FNDC3A: variants seen among roughly 807,000 people sequenced by gnomAD.
FNDC3A encodes fibronectin type III domain containing 3A, also known as fibronectin type-III domain-containing protein 3A.
FNDC3A carries 32 observed loss-of-function variants against 148.9 expected under a neutral mutation model. That is an observed-to-expected ratio of 0.21 (90% CI 0.16 to 0.29). The LOEUF is 0.29. FNDC3A is among the 10% of genes least tolerant of loss of function. The pLI is 1.00. For missense variants in FNDC3A, 1,191 were observed against 1,452.8 expected (o/e 0.82, Z 2.93); for synonymous variants, 472 against 473.6 (o/e 1.00, Z 0.04).
chr13:49,143,702 G>A (rs577385463), intron 7 of FNDC3A, among the ~76,000 whole-genome samples: 1 of 152,066 alleles, frequency 6.6e-6, no homozygotes, highest in East Asian at 1.9e-4. Flanking sequence ...ATTTCACTCA[G>A]CCACTCATTT....
At chr13:49,104,410 G>A (rs1042330015) in intron 3 of FNDC3A, among the ~76,000 whole-genome samples, 1 of 152,162 alleles carries the variant, frequency 6.6e-6, no homozygotes, top group Non-Finnish European at 1.5e-5. Flanking sequence ...TGTAGTCCCA[G>A]CTACTCGGGA....
chr13:49,077,949 T>G (rs1439660143), intron 3 of FNDC3A, among the ~76,000 whole-genome samples: 1 of 152,236 alleles, frequency 6.6e-6, no homozygotes, highest in African/African-American at 2.4e-5. Context: ...TACTTGCCAG[T>G]TAAGTTTTTA....
At chr13:49,012,908 C>G (rs1952385361) in intron 2 of FNDC3A, among the ~76,000 whole-genome samples, 1 of 150,460 alleles carries the variant, frequency 6.6e-6, no homozygotes, top group South Asian at 2.1e-4. Flanking sequence ...TATCCAGCAA[C>G]CTTGCTATAC....
chr13:49,148,151 C>A (rs1452804547), intron 8 of FNDC3A, among the ~76,000 whole-genome samples: 1 of 152,076 alleles, frequency 6.6e-6, no homozygotes, highest in African/African-American at 2.4e-5. Flanking sequence ...TGCAAATACT[C>A]TCTCCCTTTC....
intron 7 of FNDC3A, 95 bp downstream of exon 7, chr13:49,138,900 A>C (rs560408547): frequency 3.4e-4 from 222 of 649,072 alleles, no homozygotes; most frequent in Non-Finnish European, 4.4e-4. Context: ...TTAACTTTTT[A>C]TGAAAATAGG....
chr13:49,069,135 GTAT>G (rs1877475193), intron 2 of FNDC3A, among the ~76,000 whole-genome samples: 1 of 152,060 alleles, frequency 6.6e-6, no homozygotes, highest in Non-Finnish European at 1.5e-5. Flanking sequence ...TTAAGTGTAG[GTAT>G]TATTAAGAAG....
chr13:49,110,296 C>T, intron 3 of FNDC3A: 1 of 1,520,314 alleles, frequency 6.6e-7, no homozygotes, highest in Non-Finnish European at 8.9e-7. Flanking sequence ...CTCTTACAGC[C>T]TTGCAAAAAA....
At chr13:49,100,279 C>T (rs1161483934) in intron 3 of FNDC3A, among the ~76,000 whole-genome samples, 1 of 151,864 alleles carries the variant, frequency 6.6e-6, no homozygotes, top group Non-Finnish European at 1.5e-5. Flanking sequence ...AGAAACATAC[C>T]AAATGATGTA....
chr13:49,156,466 CTT>C (rs993841688), intron 8 of FNDC3A, among the ~76,000 whole-genome samples: 5 of 150,988 alleles, frequency 3.3e-5, no homozygotes, highest in African/African-American at 9.8e-5. Context: ...GGTCTTGACT[CTT>C]TATCCAATTT....
At chr13:49,169,144 T>C (rs1167772387) in intron 10 of FNDC3A, among the ~76,000 whole-genome samples, 2 of 152,246 alleles carry the variant, frequency 1.3e-5, no homozygotes, top group African/African-American at 4.8e-5. Context: ...AGGAATAAAG[T>C]TATTGTCAAT....
intron 1 of FNDC3A, among the ~76,000 whole-genome samples, chr13:48,985,288 A>C (rs1281174840): frequency 6.6e-6 from 1 of 152,226 alleles, no homozygotes; most frequent in African/African-American, 2.4e-5. Context: ...GTTTTGAAGG[A>C]ATACTATTGA....
chr13:49,045,785 C>T (rs1875347710), intron 2 of FNDC3A: 1 of 387,632 alleles, frequency 2.6e-6, no homozygotes, highest in East Asian at 5.0e-5. Flanking sequence ...ATTTTAATGA[C>T]AGTCCTTTTT....
chr13:49,191,230 G>T lies in FNDC3A; in HGVS notation c.2072G>T (p.Gly691Val), dbSNP rs372342616. The T allele has an allele frequency of 6.2e-7, 1 of 1,608,934 alleles. No homozygotes were observed. The highest frequency in any genetic ancestry group is 8.5e-7 in the Non-Finnish European group (1 of 1,178,314). The change falls in exon 19 of 26, where the codon GGA (glycine) becomes GTA (valine). Residue 691 changes from glycine (G) to valine (V), a missense_variant. Coordinates refer to ENST00000492622, the MANE Select transcript of FNDC3A (RefSeq NM_001079673.2). ...TTAGGACCCCCTCTGGTTGATGGTG[G>T]ATCACCCATTTCCTGTTACAGTGTG... ...LRWGPPLVDGGSPISCYSVEM... is the reference protein window; with the variant it reads ...LRWGPPLVDGVSPISCYSVEM...
At chr13:48,980,722 A>G (rs1004072565) in intron 1 of FNDC3A, among the ~76,000 whole-genome samples, 4 of 152,174 alleles carry the variant, frequency 2.6e-5, no homozygotes, top group African/African-American at 9.7e-5. Flanking sequence ...TTCATGTGCC[A>G]TTACCAGGTG....
intron 1 of FNDC3A, among the ~76,000 whole-genome samples, chr13:49,004,030 G>A (rs1420381826): frequency 6.6e-6 from 1 of 152,054 alleles, no homozygotes; most frequent in African/African-American, 2.4e-5. Flanking sequence ...GGCTGTGGCA[G>A]GGAAGAATTT....
chr13:49,033,964 T>C (rs917292913), intron 2 of FNDC3A, among the ~76,000 whole-genome samples: 1 of 152,038 alleles, frequency 6.6e-6, no homozygotes, highest in Admixed American at 6.5e-5. Context: ...AAAACCACTT[T>C]GTAGTTAAAA....
intron 1 of FNDC3A, among the ~76,000 whole-genome samples, chr13:48,988,724 G>A (rs1043355133): frequency 6.6e-6 from 1 of 151,558 alleles, no homozygotes; most frequent in African/African-American, 2.4e-5. Context: ...GGTGGCACAT[G>A]CCTGTAGTTC....
At position 49,198,085 on chromosome 13, in the gene FNDC3A, A is replaced by C; in HGVS notation, c.2594A>C (p.Asp865Ala). The C allele has an allele frequency of 1.2e-6, 2 of 1,614,174 alleles. No homozygotes were observed. Among genetic ancestry groups the C allele is most frequent in the Non-Finnish European group, 1.7e-6 (2 of 1,180,012 alleles). The change falls in exon 22 of 26, where the codon GAT (aspartate) becomes GCT (alanine). Residue 865 changes from aspartate (D) to alanine (A), a missense_variant. Asp to Ala is a moderately radical substitution (Grantham distance 126). Coordinates refer to ENST00000492622, the MANE Select transcript of FNDC3A (RefSeq NM_001079673.2). ...ACCTGTCTTCAAGAAATAAGCGATG[A>C]TGAGATAGAAAATCCCCATTATTCA... is the stretch of plus-strand genomic sequence containing the variant. Reference protein sequence around the residue: ...IVTCLQEISDDEIENPHYSPS... With the variant: ...IVTCLQEISDAEIENPHYSPS...
chr13:49,188,564 T>C lies in FNDC3A; in HGVS notation c.1875T>C (p.Cys625=), dbSNP rs201949971. The change falls in exon 17 of 26, where the codon TGT becomes TGC. Residue 625 remains cysteine (C), a synonymous_variant. Coordinates refer to ENST00000492622, the MANE Select transcript of FNDC3A (RefSeq NM_001079673.2). ...IYSGATREHL[C]DRLNPGCFYR... ...GTGGTGCTACCAGGGAACATCTTTG[T>C]GATCGACTGAATCCAGGCTGTTTCT... 5.5e-5 allele frequency: 88 copies of C among 1,613,970 alleles called. No homozygotes were observed. The highest frequency in any genetic ancestry group is 7.1e-5 in the Non-Finnish European group (84 of 1,179,932).
Sources: allele counts gnomAD v4.1 joint callset (sites outside exome capture counted in the v4.1 genomes callset), GRCh38; gene constraint gnomAD v4.1.1; transcripts MANE v1.5; gene names NCBI Gene and HGNC (gene_info 2026-07-23, HGNC 2026-07-21).